RARB: variants seen among roughly 807,000 people sequenced by gnomAD.
RARB encodes the protein retinoic acid receptor beta.
RARB carries 17 observed loss-of-function variants against 51.9 expected under a neutral mutation model. That is an observed-to-expected ratio of 0.33 (90% CI 0.22 to 0.49). The LOEUF is 0.49. Ranked by LOEUF, RARB falls within the 20% of genes least tolerant of loss-of-function variation. The pLI is 0.99. For synonymous variants in RARB, 215 were observed against 195.4 expected (o/e 1.10, Z -0.84); for missense variants, 369 against 550.8 (o/e 0.67, Z 3.30).
chr3:25,283,372 C>A (rs1159480402), intron 5 of RARB, among the ~76,000 whole-genome samples: 1 of 152,156 alleles, frequency 6.6e-6, no homozygotes, highest in African/African-American at 2.4e-5. Flanking sequence ...TTTTTGCTTT[C>A]TTTCATACCC....
Position 25,196,169 on chromosome 3 carries a change from C to T in RARB, c.178+21594C>T, listed in dbSNP as rs372633127. On this transcript the variant is annotated intron_variant, in intron 5 of 11. Transcript: ENST00000383772. ...ATGTGCCATGTTGGTGTGCTGCACC[C>T]ACTAATTCATCATGTACATTAGGTA... is the stretch of plus-strand genomic sequence containing the variant. Among the ~76,000 whole-genome samples the T allele has an allele frequency of 2.2e-4, 34 of 152,032 alleles. No individual in the cohort carries two copies. In the South Asian group the frequency reaches 6.9e-3, roughly 31 times the overall value.
intron 5 of RARB, among the ~76,000 whole-genome samples, chr3:25,277,378 C>T (rs189631974): frequency 6.6e-6 from 1 of 152,218 alleles, no homozygotes; most frequent in Admixed American, 6.5e-5. Context: ...CAGTGAATCA[C>T]TATTAAAATA....
chr3:25,277,559 G>A (rs1703425403), intron 5 of RARB, among the ~76,000 whole-genome samples: 1 of 152,130 alleles, frequency 6.6e-6, no homozygotes, highest in African/African-American at 2.4e-5. Flanking sequence ...GCAAAATAAG[G>A]CTAACACACA....
intron 5 of RARB, among the ~76,000 whole-genome samples, chr3:25,325,954 A>G (rs1488094831): frequency 6.6e-6 from 1 of 152,216 alleles, no homozygotes; most frequent in Non-Finnish European, 1.5e-5. Flanking sequence ...TGTTGAGACC[A>G]TGCAAGAGAA....
At chr3:25,059,066 G>C (rs1232413358) in intron 2 of RARB, among the ~76,000 whole-genome samples, 1 of 150,924 alleles carries the variant, frequency 6.6e-6, no homozygotes, top group Non-Finnish European at 1.5e-5. Context: ...ATGTGCATTA[G>C]TACAAGAAAT....
intron 2 of RARB, among the ~76,000 whole-genome samples, chr3:24,859,147 A>G (rs1165002770): frequency 6.6e-6 from 1 of 151,832 alleles, no homozygotes; most frequent in Non-Finnish European, 1.5e-5. Flanking sequence ...TAGAATGCTT[A>G]CTCCAGTTAA....
intron 2 of RARB, among the ~76,000 whole-genome samples, chr3:25,019,907 C>T (rs1580812): frequency 0.81 from 122,292 of 151,858 alleles, 49,469 homozygotes; most frequent in African/African-American, 0.88. Flanking sequence ...ATTAAAGAGA[C>T]TCTCAACTCT....
intron 2 of RARB, among the ~76,000 whole-genome samples, chr3:24,913,251 T>C (rs1476054554): frequency 6.6e-6 from 1 of 152,020 alleles, no homozygotes; most frequent in Admixed American, 6.6e-5. Context: ...CCCAAAGTGC[T>C]GGGATTACAG....
chr3:25,234,591 C>T (rs1702259569), intron 5 of RARB, among the ~76,000 whole-genome samples: 1 of 152,044 alleles, frequency 6.6e-6, no homozygotes. Context: ...GAACCTGTGT[C>T]AATTTATAAT....
chr3:25,166,225 A>G (rs775447107), intron 4 of RARB, among the ~76,000 whole-genome samples: 2 of 152,152 alleles, frequency 1.3e-5, no homozygotes, highest in Non-Finnish European at 2.9e-5. Context: ...TTTATCAGCA[A>G]TATTTATGAT....
At chr3:25,182,582 G>A (rs1178207054) in intron 5 of RARB, among the ~76,000 whole-genome samples, 1 of 152,156 alleles carries the variant, frequency 6.6e-6, no homozygotes, top group Non-Finnish European at 1.5e-5. Flanking sequence ...TAAGGGTTGT[G>A]TTAGGTATTG....
chr3:25,509,959 C>T (rs1486706525), intron 3 of RARB, among the ~76,000 whole-genome samples: 1 of 152,204 alleles, frequency 6.6e-6, no homozygotes, highest in African/African-American at 2.4e-5. Context: ...AACTCCTGTC[C>T]ACCCTGTGGC....
intron 3 of RARB, among the ~76,000 whole-genome samples, chr3:25,526,867 G>T (rs1698673810): frequency 6.6e-6 from 1 of 152,186 alleles, no homozygotes; most frequent in South Asian, 2.1e-4. Context: ...TAATAATGGA[G>T]TTCTGCTGGT....
chr3:25,388,747 T>C (rs1350142303), intron 5 of RARB, among the ~76,000 whole-genome samples: 2 of 152,190 alleles, frequency 1.3e-5, no homozygotes, highest in Non-Finnish European at 2.9e-5. Flanking sequence ...CAAAAGTGAA[T>C]CGAACTCAAC....
chr3:25,255,810 T>A (rs1470824033), intron 5 of RARB, among the ~76,000 whole-genome samples: 1 of 152,148 alleles, frequency 6.6e-6, no homozygotes, highest in African/African-American at 2.4e-5. Context: ...TTTAAAAAAA[T>A]GATCATTTTT....
intron 2 of RARB, among the ~76,000 whole-genome samples, chr3:25,486,923 T>A (rs886721092): frequency 3.3e-5 from 5 of 152,202 alleles, no homozygotes; most frequent in Admixed American, 6.5e-5. Context: ...ACTCTAAATA[T>A]TTTTCTTAGA....
chr3:24,898,323 T>C (rs1480826137), intron 2 of RARB, among the ~76,000 whole-genome samples: 1 of 124,060 alleles, frequency 8.1e-6, no homozygotes, highest in Admixed American at 7.6e-5. Context: ...ATTATAAATA[T>C]AATATTTATA....
intron 4 of RARB, among the ~76,000 whole-genome samples, chr3:25,140,293 A>T (rs1263579479): frequency 6.6e-6 from 1 of 152,206 alleles, no homozygotes; most frequent in East Asian, 1.9e-4. Context: ...GATGTCATTA[A>T]CAACATTTGT....
intron 2 of RARB, among the ~76,000 whole-genome samples, chr3:24,909,945 A>T (rs1469506129): frequency 6.6e-6 from 1 of 152,156 alleles, no homozygotes; most frequent in African/African-American, 2.4e-5. Context: ...GAATTTCTAT[A>T]TATTTTTTCC....
Sources: gnomAD v4.1 joint callset for allele counts (sites outside exome capture counted in the v4.1 genomes callset) on GRCh38, gnomAD v4.1.1 for gene constraint, MANE v1.5 for transcripts, NCBI Gene and HGNC (gene_info 2026-07-23, HGNC 2026-07-21) for gene names.